GABRB1: variants seen among roughly 807,000 people sequenced by gnomAD.
The protein encoded by GABRB1 is gamma-aminobutyric acid receptor subunit beta-1.
A neutral mutation model predicts 51.6 loss-of-function variants in GABRB1; 17 were observed. The observed-to-expected ratio is 0.33, with a 90% CI of 0.23 to 0.49. The LOEUF (loss-of-function observed/expected upper bound fraction) is 0.49, where lower values mean the gene tolerates loss of function less well. Among genes scored for constraint, GABRB1 ranks in the 20% least tolerant of loss-of-function variants. The pLI, the probability that GABRB1 is intolerant of heterozygous loss-of-function variation, is 0.99. For missense variants in GABRB1, 410 were observed against 600.6 expected (o/e 0.68, Z 3.32); for synonymous variants, 247 against 218.9 (o/e 1.13, Z -1.14).
intron 5 of GABRB1, among the ~76,000 whole-genome samples, chr4:47,376,375 A>G (rs917605568): frequency 1.3e-5 from 2 of 152,252 alleles, no homozygotes; most frequent in East Asian, 1.9e-4. Flanking sequence ...GGCCGGGCGC[A>G]GTGGCTCACG....
intron 3 of GABRB1, among the ~76,000 whole-genome samples, chr4:47,074,229 T>C (rs1727458994): frequency 6.6e-6 from 1 of 152,196 alleles, no homozygotes; most frequent in Non-Finnish European, 1.5e-5. Context: ...TAAAAATGCC[T>C]GTACAAAAAG....
chr4:47,214,295 G>T (rs910931007), intron 4 of GABRB1, among the ~76,000 whole-genome samples: 4 of 152,136 alleles, frequency 2.6e-5, no homozygotes, highest in Non-Finnish European at 4.4e-5. Flanking sequence ...AACATGATTT[G>T]TGCTCAATCA....
At chr4:47,209,809 A>G (rs2109808434) in intron 4 of GABRB1, among the ~76,000 whole-genome samples, 1 of 152,266 alleles carries the variant, frequency 6.6e-6, no homozygotes, top group African/African-American at 2.4e-5. Context: ...TAAAAAAAAA[A>G]AAATGTACAG....
chr4:47,403,615 A>T lies in GABRB1; in HGVS notation c.739A>T (p.Ile247Phe). The T allele has an allele frequency of 6.2e-7, 1 of 1,614,020 alleles. No homozygotes were observed. Among genetic ancestry groups the T allele is most frequent in the South Asian group, 1.1e-5 (1 of 91,082 alleles). ...FRLKRNIGYFILQTYMPSTLI... is the reference protein window; with the variant it reads ...FRLKRNIGYFFLQTYMPSTLI... ...TCTAAAGAGAAACATTGGTTACTTC[A>T]TTTTGCAAACCTACATGCCTTCTAC... The change falls in exon 7 of 9, where the codon ATT becomes TTT. Residue 247 changes from isoleucine to phenylalanine, a missense_variant. Ile to Phe is a conservative substitution (Grantham distance 21). This residue lies in a region of GABRB1 where 37 missense variants were observed against 126.3 expected (regional missense o/e 0.29). Coordinates refer to ENST00000295454, the MANE Select transcript of GABRB1 (RefSeq NM_000812.4).
chr4:47,092,088 A>G (rs1306498707), intron 3 of GABRB1, among the ~76,000 whole-genome samples: 1 of 151,406 alleles, frequency 6.6e-6, no homozygotes, highest in African/African-American at 2.4e-5. Flanking sequence ...TTGTGTGGTT[A>G]CATTATATTT....
intron 4 of GABRB1, among the ~76,000 whole-genome samples, chr4:47,310,939 G>C (rs369632702): frequency 6.6e-6 from 1 of 151,336 alleles, no homozygotes; most frequent in African/African-American, 2.4e-5. Flanking sequence ...TGAGGTGGGC[G>C]GATCACTTGA....
intron 3 of GABRB1, among the ~76,000 whole-genome samples, chr4:47,106,438 A>T (rs1714975256): frequency 6.6e-6 from 1 of 152,108 alleles, no homozygotes; most frequent in Admixed American, 6.6e-5. Context: ...ATAGAAAAAA[A>T]ATCTATATTA....
chr4:47,231,119 AAGCCACATTGGCAC>A (rs1479347293), intron 4 of GABRB1, among the ~76,000 whole-genome samples: 2 of 152,180 alleles, frequency 1.3e-5, no homozygotes, highest in Non-Finnish European at 2.9e-5. Context: ...GTCCCTCCTA[AAGCCACATTGGCAC>A]AGCTGAGGCT....
intron 4 of GABRB1, among the ~76,000 whole-genome samples, chr4:47,231,282 T>C (rs533090941): frequency 6.6e-6 from 1 of 152,362 alleles, no homozygotes; most frequent in Non-Finnish European, 1.5e-5. Flanking sequence ...AGAATCATGG[T>C]TGTCAGCAAA....
intron 4 of GABRB1, among the ~76,000 whole-genome samples, chr4:47,272,326 CCTT>C (rs930656308): frequency 1.3e-5 from 2 of 152,034 alleles, no homozygotes; most frequent in Non-Finnish European, 2.9e-5. Flanking sequence ...CTTCCCCTCC[CCTT>C]CTTTAAAAAA....
At chr4:47,333,964 C>T (rs954587524) in intron 5 of GABRB1, among the ~76,000 whole-genome samples, 15 of 152,238 alleles carry the variant, frequency 9.9e-5, no homozygotes, top group Middle Eastern at 3.4e-3. Flanking sequence ...TGTGTACCTA[C>T]AATGTAGACA....
chr4:47,087,992 T>C (rs2109580495), intron 3 of GABRB1, among the ~76,000 whole-genome samples: 1 of 152,332 alleles, frequency 6.6e-6, no homozygotes, highest in African/African-American at 2.4e-5. Flanking sequence ...AATGGCAATT[T>C]CTACGTTTCA....
At chr4:47,008,759 G>T (rs1453492217) in intron 1 of GABRB1, among the ~76,000 whole-genome samples, 1 of 147,960 alleles carries the variant, frequency 6.8e-6, no homozygotes, top group South Asian at 2.1e-4. Context: ...GATTACAGGC[G>T]TGAGCCACTG....
chr4:47,386,164 G>GTATGGTCTT (rs1288812747), intron 5 of GABRB1, among the ~76,000 whole-genome samples: 1 of 152,132 alleles, frequency 6.6e-6, no homozygotes, highest in Non-Finnish European at 1.5e-5. Flanking sequence ...TCTAATCTGG[G>GTATGGTCTT]TATGGTCTTT....
At chr4:47,040,256 G>T (rs1294716676) in intron 3 of GABRB1, among the ~76,000 whole-genome samples, 5 of 152,156 alleles carry the variant, frequency 3.3e-5, no homozygotes, top group Non-Finnish European at 7.3e-5. Flanking sequence ...ACTGTGTTTT[G>T]TATTTTAGGT....
chr4:47,133,706 T>G (rs1284180076), intron 3 of GABRB1, among the ~76,000 whole-genome samples: 1 of 152,200 alleles, frequency 6.6e-6, no homozygotes, highest in Non-Finnish European at 1.5e-5. Flanking sequence ...TTACGTGTTT[T>G]TAGCAGGACT....
intron 3 of GABRB1, among the ~76,000 whole-genome samples, chr4:47,140,530 C>T (rs1221114507): frequency 6.6e-6 from 1 of 151,944 alleles, no homozygotes; most frequent in Admixed American, 6.6e-5. Flanking sequence ...GCAATGATCA[C>T]ATTTGCCAGG....
At chr4:47,337,972 T>A (rs554709916) in intron 5 of GABRB1, among the ~76,000 whole-genome samples, 2 of 152,294 alleles carry the variant, frequency 1.3e-5, no homozygotes, top group East Asian at 3.9e-4. Flanking sequence ...TCCCCCAGAA[T>A]TCTGAGCGGC....
chr4:47,076,736 A>G lies in GABRB1; in HGVS notation c.240+44252A>G, dbSNP rs116621635. Among the ~76,000 whole-genome samples, 1,037 of 152,296 alleles carry G rather than the reference A, an allele frequency of 6.8e-3. 13 individuals are homozygous for G. The highest frequency in any genetic ancestry group is 0.024 in the African/African-American group (979 of 41,568). ...AATTTGTATTTCAGGGTTACCCTGTAGGACAGACTAAATCTCTTCTCTCCC... is the reference window on the plus strand; with the variant it reads ...AATTTGTATTTCAGGGTTACCCTGTGGGACAGACTAAATCTCTTCTCTCCC... On this transcript the variant is annotated intron_variant, in intron 3 of 8. Transcript: ENST00000295454.
Sources: gnomAD v4.1 joint callset for allele counts (sites outside exome capture counted in the v4.1 genomes callset) on GRCh38, gnomAD v4.1.1 for gene constraint, gnomAD v4.1.1 regional missense constraint, MANE v1.5 for transcripts, NCBI Gene and HGNC (gene_info 2026-07-23, HGNC 2026-07-21) for gene names.